RABGAP1: variants seen among roughly 807,000 people sequenced by gnomAD.
The protein encoded by RABGAP1 is rab GTPase-activating protein 1.
RABGAP1 carries 23 observed loss-of-function variants against 137.6 expected under a neutral mutation model. That is an observed-to-expected ratio of 0.17 (90% CI 0.12 to 0.24). The LOEUF (loss-of-function observed/expected upper bound fraction) is 0.24, where lower values mean the gene tolerates loss of function less well. Among genes scored for constraint, RABGAP1 ranks in the 10% least tolerant of loss-of-function variants. The pLI is 1.00. For synonymous variants in RABGAP1, 451 were observed against 450.7 expected (o/e 1.00, Z -0.01); for missense variants, 906 against 1,275.8 (o/e 0.71, Z 4.42).
chr9:123,059,519 C>T (rs933249381), intron 13 of RABGAP1, among the ~76,000 whole-genome samples: 1 of 152,160 alleles, frequency 6.6e-6, no homozygotes, highest in African/African-American at 2.4e-5. Context: ...TGCGCCACTG[C>T]ACTCCAGCCT....
chr9:123,101,671 G>A lies in RABGAP1; in HGVS notation c.2995G>A (p.Glu999Lys), dbSNP rs1186687017. Reference sequence around the variant, plus strand: ...GGTTTTAGATGAGGACACGGATGAAGAGAAAGAGACGCTCAAGAACCAGCT... The same window carrying A: ...GGTTTTAGATGAGGACACGGATGAAAAGAAAGAGACGCTCAAGAACCAGCT... The part of the protein sequence containing the change: ...KEVLDEDTDE[E>K]KETLKNQLRE... The change falls in exon 25 of 26, where the codon GAG becomes AAG. Residue 999 changes from glutamate to lysine, a missense_variant. Physicochemically the swap from Glu to Lys is moderately conservative, Grantham distance 56. This residue lies in a region of RABGAP1 where 193 missense variants were observed against 248.1 expected (regional missense o/e 0.78). Transcript: ENST00000373647. 6.2e-7 allele frequency: 1 copy of A among 1,613,932 alleles called. No homozygotes were observed. The highest frequency in any genetic ancestry group is 2.2e-5 in the East Asian group (1 of 44,884).
chr9:123,070,347 C>T lies in RABGAP1; in HGVS notation c.1909-3C>T, dbSNP rs762189720. ...CATTTCCTCTGTGTGTTTTATTTTC[C>T]AGGCTTATTCTGTGTATGATGAAGA... is the stretch of plus-strand genomic sequence containing the variant. On this transcript the variant is annotated splice_polypyrimidine_tract_variant and splice_region_variant and intron_variant, in intron 14 of 25. Transcript: ENST00000373647. This position sits in a 1 kb window ranked among gnomAD's most constrained non-coding sequence, Gnocchi z 4.4. The T allele has an allele frequency of 1.2e-6, 2 of 1,613,740 alleles. No individual in the cohort carries two copies. Among genetic ancestry groups the T allele is most frequent in the Non-Finnish European group, 8.5e-7 (1 of 1,179,858 alleles).
At chr9:123,035,814 G>A (rs2032624402) in intron 13 of RABGAP1, 1 of 493,910 alleles carries the variant, frequency 2.0e-6, no homozygotes, top group Non-Finnish European at 3.5e-6. Context: ...AAGTGCTTGT[G>A]AATTAGAAGA....
rs576371356 is a variant in RABGAP1, at chr9:123,001,039, C to G, written c.1374+2273C>G. On this transcript the variant is annotated intron_variant, in intron 10 of 25. Transcript: ENST00000373647. ...ACCTTATTTTTTATTTAGTAGAGATCGGGTTTCACTATGTTGGCCAGGCTG... is the reference window on the plus strand; with the variant it reads ...ACCTTATTTTTTATTTAGTAGAGATGGGGTTTCACTATGTTGGCCAGGCTG... 2.0e-5 allele frequency among the ~76,000 whole-genome samples: 3 copies of G among 151,582 alleles called. No individual in the cohort carries two copies. In the East Asian group the frequency reaches 5.9e-4, roughly 30 times the overall value.
At chr9:122,974,415 CTTTTT>C (rs11331973) in intron 2 of RABGAP1, among the ~76,000 whole-genome samples, 7 of 58,220 alleles carry the variant, frequency 1.2e-4, no homozygotes, top group Non-Finnish European at 2.2e-4. Context: ...ATGGCTTTGT[CTTTTT>C]TTTTTTTTTT....
At chr9:123,083,763 C>T (rs976552652) in intron 19 of RABGAP1, among the ~76,000 whole-genome samples, 1 of 152,210 alleles carries the variant, frequency 6.6e-6, no homozygotes, top group Non-Finnish European at 1.5e-5. Flanking sequence ...TGTGTGACCC[C>T]AGGGTAGGTT....
intron 13 of RABGAP1, among the ~76,000 whole-genome samples, chr9:123,059,392 A>C (rs1262948494): frequency 6.6e-6 from 1 of 151,956 alleles, no homozygotes; most frequent in Non-Finnish European, 1.5e-5. Context: ...GTCTCTACTA[A>C]ATAATTAAAA....
intron 13 of RABGAP1, among the ~76,000 whole-genome samples, chr9:123,025,987 T>A (rs1169411742): frequency 6.7e-6 from 1 of 150,338 alleles, no homozygotes; most frequent in Non-Finnish European, 1.5e-5. Context: ...AGTTTTTCAA[T>A]CTTTTGGAAA....
intron 20 of RABGAP1, 124 bp from the exon 21 acceptor site, chr9:123,090,151 G>A: frequency 1.4e-6 from 1 of 717,384 alleles, no homozygotes. Context: ...AAACACATCA[G>A]GTCCAGCCAT....
chr9:122,933,547 G>A, the RABGAP1 span, among the ~76,000 whole-genome samples: 5 of 151,704 alleles, frequency 3.3e-5, no homozygotes, highest in Non-Finnish European at 7.4e-5. Context: ...TTCGCCTCCC[G>A]GGTTCAAGTG....
chr9:123,101,842 A>G (rs766999763), intron 25 of RABGAP1, 79 bp downstream of exon 25: 3 of 1,414,016 alleles, frequency 2.1e-6, no homozygotes, highest in Middle Eastern at 2.4e-4. Flanking sequence ...AATTATCTTT[A>G]TGGTTTGGGG....
chr9:123,007,284 A>G (rs2131860651), intron 10 of RABGAP1, among the ~76,000 whole-genome samples: 1 of 151,462 alleles, frequency 6.6e-6, no homozygotes, highest in East Asian at 1.9e-4. Flanking sequence ...CATGTTGGCC[A>G]GGCTAGTCTT....
At chr9:123,087,102 G>A (rs935668137) in intron 19 of RABGAP1, among the ~76,000 whole-genome samples, 1 of 152,128 alleles carries the variant, frequency 6.6e-6, no homozygotes, top group Non-Finnish European at 1.5e-5. Context: ...TATTTACCAG[G>A]TACTTATCAC....
rs987815822 is a variant in RABGAP1, at chr9:123,070,019, A to G, written c.1909-331A>G. Among the ~76,000 whole-genome samples, 1 of 152,190 alleles carries G rather than the reference A, an allele frequency of 6.6e-6. No individual in the cohort carries two copies. Among genetic ancestry groups the G allele is most frequent in the African/African-American group, 2.4e-5 (1 of 41,448 alleles). ...AGTTTGGTGCCTGAAGGAAGAGTGCATGTTTGAGGCAGAGAGGGAAAGGAC... is the reference window on the plus strand; with the variant it reads ...AGTTTGGTGCCTGAAGGAAGAGTGCGTGTTTGAGGCAGAGAGGGAAAGGAC... On this transcript the variant is annotated intron_variant, in intron 14 of 25. Coordinates refer to ENST00000373647, the MANE Select transcript of RABGAP1 (RefSeq NM_012197.4). This position sits in a 1 kb window ranked among gnomAD's most constrained non-coding sequence, Gnocchi z 4.4.
At chr9:123,017,513 C>T (rs543146368) in intron 12 of RABGAP1, among the ~76,000 whole-genome samples, 1 of 152,050 alleles carries the variant, frequency 6.6e-6, no homozygotes, top group African/African-American at 2.4e-5. Context: ...TATTTGTGTT[C>T]TATGGATATG....
upstream of RABGAP1, among the ~76,000 whole-genome samples, chr9:122,936,069 T>G (rs190091493): frequency 6.6e-6 from 1 of 152,328 alleles, no homozygotes; most frequent in East Asian, 1.9e-4. Context: ...GATTCTCTTT[T>G]TTTTTGGCTT....
chr9:123,063,553 A>G (rs891926757), intron 13 of RABGAP1, among the ~76,000 whole-genome samples: 2 of 152,188 alleles, frequency 1.3e-5, no homozygotes, highest in African/African-American at 4.8e-5. Flanking sequence ...TCCTTTGCCA[A>G]CACTTCTTAA....
intron 12 of RABGAP1, 75 bp downstream of exon 12, chr9:123,015,711 C>G (rs537677263): frequency 2.0e-6 from 2 of 1,024,060 alleles, no homozygotes; most frequent in Admixed American, 2.3e-5. Context: ...TAACTATAAT[C>G]AATTTTGGAA....
Position 123,010,407 on chromosome 9 carries a change from C to T in RABGAP1, c.1428C>T (p.Cys476=). The T allele has an allele frequency of 5.6e-6, 9 of 1,613,416 alleles. No individual in the cohort carries two copies. Among genetic ancestry groups the T allele is most frequent in the Non-Finnish European group, 7.6e-6 (9 of 1,179,632 alleles). Residue 476 remains cysteine, a synonymous_variant, in exon 11 of 26, where the codon TGC becomes TGT. Transcript: ENST00000373647. ...NNTDTLYEVV[C]LESESERERR... The stretch of plus-strand genomic sequence containing the variant: ...CTGACACTTTATATGAAGTTGTATG[C>T]TTGGAAAGTGAATCAGAAAGAGAGA...
Sources: gnomAD v4.1 joint callset for allele counts (sites outside exome capture counted in the v4.1 genomes callset) on GRCh38, gnomAD v4.1.1 for gene constraint, gnomAD v4.1.1 regional missense constraint, Gnocchi (gnomAD v3.1) non-coding constraint, MANE v1.5 for transcripts, NCBI Gene and HGNC (gene_info 2026-07-23, HGNC 2026-07-21) for gene names.